FAM171A1: variants seen among roughly 807,000 people sequenced by gnomAD.
FAM171A1 encodes protein FAM171A1.
In FAM171A1, 23 loss-of-function variants were observed where a neutral mutation model predicts 74.9. That is an observed-to-expected ratio of 0.31 (90% confidence interval 0.22 to 0.44). The LOEUF is 0.44. FAM171A1 is among the 20% of genes least tolerant of loss of function. The probability of loss-of-function intolerance (pLI) is 1.00; values close to 1 mark genes in which losing one functional copy is unlikely to be tolerated. For missense variants in FAM171A1, 1,162 were observed against 1,159.2 expected, an observed-to-expected ratio of 1.00 and a Z score of -0.03; for synonymous variants, 527 against 505.7, an observed-to-expected ratio of 1.04 and a Z score of -0.57.
intron 3 of FAM171A1, among the ~76,000 whole-genome samples, chr10:15,270,626 C>T (rs1691648729): frequency 6.6e-6 from 1 of 152,180 alleles, no homozygotes; most frequent in Non-Finnish European, 1.5e-5. Flanking sequence ...AGACACCTCC[C>T]AGTAGGGGCC....
At chr10:15,369,912 C>T (rs1214564071) in intron 1 of FAM171A1, among the ~76,000 whole-genome samples, 1 of 152,224 alleles carries the variant, frequency 6.6e-6, no homozygotes, top group Admixed American at 6.5e-5. Flanking sequence ...AGGGAGCTCC[C>T]TCGCAGAGAC....
intron 3 of FAM171A1, among the ~76,000 whole-genome samples, chr10:15,264,403 T>C (rs886803131): frequency 1.3e-5 from 2 of 152,278 alleles, no homozygotes; most frequent in African/African-American, 4.8e-5. Flanking sequence ...CAAGAATTTA[T>C]TTTTTTCTCC....
In FAM171A1 at chr10:15,305,772, A is replaced by G. The variant is rs565859314; in HGVS notation, c.98-21667T>C. Among the ~76,000 whole-genome samples, 135 of 151,894 alleles carry G rather than the reference A, an allele frequency of 8.9e-4. 1 individual carries two copies. In the South Asian group the frequency reaches 0.025, roughly 28 times the overall value. On this transcript the variant is annotated intron_variant, in intron 1 of 7. Coordinates refer to ENST00000378116, the MANE Select transcript of FAM171A1 (RefSeq NM_001010924.2). ...TTTGAGCAGGGAAGTGGTTAATTGTACATCCAATATGCAAATTGGACTGCC... is the reference window on the plus strand; with the variant it reads ...TTTGAGCAGGGAAGTGGTTAATTGTGCATCCAATATGCAAATTGGACTGCC...
rs1834466119 is a variant in FAM171A1 at position 15,248,660 on chromosome 10, A to T, written c.733T>A (p.Trp245Arg). 6.2e-7 allele frequency: 1 copy of T among 1,609,316 alleles called. No homozygotes were observed. Among genetic ancestry groups the T allele is most frequent in the Admixed American group, 1.7e-5 (1 of 59,320 alleles). Residue 245 changes from tryptophan (W) to arginine (R), a missense_variant, in exon 5 of 8, where the codon TGG (tryptophan) becomes AGG (arginine). Transcript: ENST00000378116. Reference sequence around the variant, plus strand: ...TTACCCAGCTTCTGGTCAAACCGCCACGCCGCGACATAGGCATTGTGCCTC... The same window carrying T: ...TTACCCAGCTTCTGGTCAAACCGCCTCGCCGCGACATAGGCATTGTGCCTC... ...SLRHNAYVAA[W>R]RFDQKLGTWL... is the part of the protein sequence containing the mutation.
chr10:15,276,795 C>A (rs1834900668), intron 2 of FAM171A1, among the ~76,000 whole-genome samples: 1 of 152,280 alleles, frequency 6.6e-6, no homozygotes, highest in South Asian at 2.1e-4. Flanking sequence ...AGTATCCCTG[C>A]TGCCTTAGTC....
intron 1 of FAM171A1, among the ~76,000 whole-genome samples, chr10:15,311,127 CCT>C (rs1323401799): frequency 1.3e-5 from 2 of 152,212 alleles, no homozygotes; most frequent in African/African-American, 4.8e-5. Context: ...GCTACTGCCC[CCT>C]GTTCCTCAAA....
intron 1 of FAM171A1, among the ~76,000 whole-genome samples, chr10:15,353,668 G>A (rs1039744755): frequency 1.3e-5 from 2 of 152,156 alleles, no homozygotes; most frequent in African/African-American, 4.8e-5. Flanking sequence ...CAAAGAAGCC[G>A]GACAAAGGGC....
At chr10:15,296,707 C>T (rs1185176545) in intron 1 of FAM171A1, among the ~76,000 whole-genome samples, 5 of 129,448 alleles carry the variant, frequency 3.9e-5, no homozygotes, top group African/African-American at 1.1e-4. Context: ...GATCTGCGGC[C>T]CCAGTGTCTG....
intron 1 of FAM171A1, among the ~76,000 whole-genome samples, chr10:15,344,904 C>A (rs1480081823): frequency 4.6e-5 from 7 of 152,204 alleles, no homozygotes; most frequent in Non-Finnish European, 8.8e-5. Flanking sequence ...GAATATTCGT[C>A]TCACAGTTAC....
At chr10:15,264,621 CAA>C (rs138066525) in intron 3 of FAM171A1, among the ~76,000 whole-genome samples, 4 of 138,604 alleles carry the variant, frequency 2.9e-5, no homozygotes, top group Admixed American at 7.3e-5. Context: ...CCTGTTTCTA[CAA>C]AAAAAAAAAA....
Position 15,248,522 on chromosome 10 carries a change from G to C in FAM171A1, c.754+117C>G, listed in dbSNP as rs143050814. On this transcript the variant is annotated intron_variant, in intron 5 of 7. Transcript: ENST00000378116. ...CATGAGAAACCACACAATGCAATGT[G>C]AGCAGCAGCATTCACTGACTTCAAG... The C allele has an allele frequency of 6.0e-4, 660 of 1,105,532 alleles. 5 individuals are homozygous for C. In the African/African-American group the frequency reaches 9.6e-3, roughly 16 times the overall value. 68.5% of individuals were successfully genotyped at this position (1,105,532 alleles called of 1,614,324 possible).
chr10:15,260,256 T>C (rs964504711), intron 3 of FAM171A1, among the ~76,000 whole-genome samples: 25 of 152,196 alleles, frequency 1.6e-4, no homozygotes, highest in Admixed American at 1.3e-3. Context: ...AGCTCTAAGC[T>C]CTATTTGCAT....
chr10:15,329,828 C>A lies in FAM171A1; in HGVS notation c.97+41128G>T, dbSNP rs189035392. 5.3e-5 allele frequency among the ~76,000 whole-genome samples: 8 copies of A among 152,272 alleles called. 1 individual carries two copies. The highest frequency in any genetic ancestry group is 5.2e-4 in the Admixed American group (8 of 15,302). On this transcript the variant is annotated intron_variant, in intron 1 of 7. Coordinates refer to ENST00000378116, the MANE Select transcript of FAM171A1 (RefSeq NM_001010924.2). Reference sequence around the variant, plus strand: ...AGAAAGAAACTGGAACCTTCAGTGACACTGCTAAGCCCTGCCAAGCTTTGT... The same window carrying A: ...AGAAAGAAACTGGAACCTTCAGTGAAACTGCTAAGCCCTGCCAAGCTTTGT...
intron 1 of FAM171A1, among the ~76,000 whole-genome samples, chr10:15,305,970 G>C (rs1835289669): frequency 1.3e-5 from 2 of 152,190 alleles, no homozygotes; most frequent in Non-Finnish European, 2.9e-5. Flanking sequence ...CCTGGACAGA[G>C]CTCTTAGTGG....
At position 15,337,777 on chromosome 10, in the gene FAM171A1, C is replaced by T. The variant is rs750383608; in HGVS notation, c.97+33179G>A. ...CAGCCTGGCCAACGCGGTAAAACCC[C>T]GACTCTACTAAAAAAATACAAAAGT... On this transcript the variant is annotated intron_variant, in intron 1 of 7. Coordinates refer to ENST00000378116, the MANE Select transcript of FAM171A1 (RefSeq NM_001010924.2). Among the ~76,000 whole-genome samples the T allele has an allele frequency of 5.9e-5, 9 of 152,206 alleles. No individual in the cohort carries two copies. In the East Asian group the frequency reaches 1.7e-3, roughly 29 times the overall value.
At chr10:15,347,977 C>T (rs904085404) in intron 1 of FAM171A1, among the ~76,000 whole-genome samples, 1 of 151,922 alleles carries the variant, frequency 6.6e-6, no homozygotes. Context: ...ATGAGAATGA[C>T]ATTTTCTTTC....
chr10:15,222,602 C>T (rs1006054151), intron 5 of FAM171A1, among the ~76,000 whole-genome samples: 15 of 152,360 alleles, frequency 9.8e-5, no homozygotes, highest in African/African-American at 3.6e-4. Context: ...CAAATGCTTG[C>T]CTTGCTTAGC....
chr10:15,304,398 A>T (rs1835268754), intron 1 of FAM171A1, among the ~76,000 whole-genome samples: 1 of 152,062 alleles, frequency 6.6e-6, no homozygotes, highest in Admixed American at 6.6e-5. Context: ...CTCCCCAGCC[A>T]CATCCCCTAG....
chr10:15,266,461 C>T (rs1225526952), intron 3 of FAM171A1, among the ~76,000 whole-genome samples: 1 of 152,082 alleles, frequency 6.6e-6, no homozygotes, highest in Non-Finnish European at 1.5e-5. Context: ...ATCCAGGCTG[C>T]CCTTCCTGTC....
Sources: allele counts gnomAD v4.1 joint callset (sites outside exome capture counted in the v4.1 genomes callset), GRCh38; gene constraint gnomAD v4.1.1; transcripts MANE v1.5; gene names NCBI Gene and HGNC (gene_info 2026-07-23, HGNC 2026-07-21).